The following FMN2 variants were observed in gnomAD, a reference collection of about 807,000 sequenced individuals.
FMN2 encodes the protein formin 2.
A neutral mutation model predicts 142.3 loss-of-function variants in FMN2; 51 were observed. The observed-to-expected ratio is 0.36, with a 90% CI of 0.29 to 0.45. The LOEUF is 0.45. FMN2 is among the 20% of genes least tolerant of loss of function. The pLI is 1.00. For missense variants in FMN2, 1,936 were observed against 2,122.8 expected (o/e 0.91, Z 1.73); for synonymous variants, 882 against 869.8 (o/e 1.01, Z -0.25).
chr1:240,263,998 C>T (rs1374496341), intron 7 of FMN2, among the ~76,000 whole-genome samples: 1 of 152,072 alleles, frequency 6.6e-6, no homozygotes, highest in Non-Finnish European at 1.5e-5. Flanking sequence ...TGTAAACTAC[C>T]TAGCATTCCA....
intron 2 of FMN2, among the ~76,000 whole-genome samples, chr1:240,145,860 G>A (rs1045201949): frequency 6.6e-6 from 1 of 151,992 alleles, no homozygotes; most frequent in Non-Finnish European, 1.5e-5. Context: ...GCCAGGCCAA[G>A]GGTCGAGGCA....
chr1:240,207,495 G>T lies in FMN2; in HGVS notation c.2683G>T (p.Ala895Ser). 1 of 1,612,482 alleles carries T rather than the reference G, an allele frequency of 6.2e-7. No homozygotes were observed. Among genetic ancestry groups the T allele is most frequent in the Non-Finnish European group, 8.5e-7 (1 of 1,179,580 alleles). The part of the protein sequence containing the change: ...GMTVPTLPST[A>S]IPQPPPLQGT... Reference sequence around the variant, plus strand: ...GACAGTGCCTACTCTGCCCAGTACAGCCATTCCCCAACCTCCTCCTCTGCA... The same window carrying T: ...GACAGTGCCTACTCTGCCCAGTACATCCATTCCCCAACCTCCTCCTCTGCA... Residue 895 changes from alanine to serine, a missense_variant, in exon 5 of 18, where the codon GCC (alanine) becomes TCC (serine). By Grantham distance (99) the Ala-to-Ser change is moderately conservative (BLOSUM62 1). Coordinates refer to ENST00000319653, the MANE Select transcript of FMN2 (RefSeq NM_020066.5).
At chr1:240,438,648 GA>G (rs1675492099) in intron 16 of FMN2, among the ~76,000 whole-genome samples, 1 of 152,174 alleles carries the variant, frequency 6.6e-6, no homozygotes, top group Non-Finnish European at 1.5e-5. Context: ...ATATCACCAA[GA>G]AACACAGATG....
chr1:240,216,988 G>A (rs1256598098), intron 6 of FMN2, among the ~76,000 whole-genome samples: 3 of 152,098 alleles, frequency 2.0e-5, no homozygotes, highest in Non-Finnish European at 4.4e-5. Context: ...ATAACGACAG[G>A]AAAAGAAGTA....
In FMN2 at chr1:240,438,101, C is replaced by G; in HGVS notation, c.4951C>G (p.Leu1651Val). Residue 1651 changes from leucine (L) to valine (V), a missense_variant, in exon 16 of 18, where the codon CTT becomes GTT. This residue lies in a region of FMN2 where 322 missense variants were observed against 401.6 expected (regional missense o/e 0.80). Coordinates refer to ENST00000319653, the MANE Select transcript of FMN2 (RefSeq NM_020066.5). ...TTAYFFMKPK[L>V]GEKEVSPNAF... is the part of the protein sequence containing the mutation. ...GGCATATTTCTTCATGAAACCAAAA[C>G]TTGGAGAGAAGGAGGTGTCCCCAAA... 6.2e-7 allele frequency: 1 copy of G among 1,614,004 alleles called. No homozygotes were observed. Among genetic ancestry groups the G allele is most frequent in the Non-Finnish European group, 8.5e-7 (1 of 1,179,960 alleles).
Position 240,148,447 on chromosome 1 carries a change from AGAGAGAAAGAGAGAGAGACAGG to A in FMN2, c.1782+25113_1782+25134del, listed in dbSNP as rs1476052404. On this transcript the variant is annotated intron_variant, in intron 2 of 17. Coordinates refer to ENST00000319653, the MANE Select transcript of FMN2 (RefSeq NM_020066.5). ...AAGATACAGAAAGAGAGAGACAGAG[AGAGAGAAAGAGAGAGAGACAGG>A]GAGAGAAAGAAAAAGAGAGAGAGAA... is the stretch of plus-strand genomic sequence containing the variant. 2.6e-5 allele frequency among the ~76,000 whole-genome samples: 3 copies of A among 114,020 alleles called. No individual in the cohort carries two copies. In the East Asian group the frequency reaches 7.4e-4, roughly 28 times the overall value. The allele number at this position is 114,020 out of a possible 152,430, so 74.8% of individuals were successfully genotyped here.
intron 1 of FMN2, among the ~76,000 whole-genome samples, chr1:240,109,574 C>G (rs1661731633): frequency 6.6e-6 from 1 of 152,030 alleles, no homozygotes; most frequent in African/African-American, 2.4e-5. Flanking sequence ...CAGGAAGATC[C>G]TCTCAGTCTT....
chr1:240,249,520 G>T (rs746483025), intron 6 of FMN2, among the ~76,000 whole-genome samples: 3 of 151,974 alleles, frequency 2.0e-5, no homozygotes, highest in Non-Finnish European at 4.4e-5. Flanking sequence ...ATATTTTGAG[G>T]TCAGGCAGTG....
intron 14 of FMN2, among the ~76,000 whole-genome samples, chr1:240,372,440 G>C (rs924793774): frequency 4.0e-5 from 6 of 151,848 alleles, no homozygotes; most frequent in Non-Finnish European, 8.8e-5. Context: ...TTGAGTAGTA[G>C]CAAGTATTTT....
intron 6 of FMN2, among the ~76,000 whole-genome samples, chr1:240,255,600 G>A (rs2102893392): frequency 6.6e-6 from 1 of 152,300 alleles, no homozygotes; most frequent in Admixed American, 6.5e-5. Context: ...AGAGTATGCA[G>A]GTGAAGGGGA....
At chr1:240,276,753 A>G (rs1669226600) in intron 7 of FMN2, among the ~76,000 whole-genome samples, 1 of 152,130 alleles carries the variant, frequency 6.6e-6, no homozygotes, top group South Asian at 2.1e-4. Flanking sequence ...AAGATTATAT[A>G]CTGCTTGAAT....
intron 13 of FMN2, among the ~76,000 whole-genome samples, chr1:240,338,985 T>TG (rs1468740597): frequency 4.6e-5 from 7 of 152,164 alleles, no homozygotes; most frequent in Non-Finnish European, 1.0e-4. Context: ...ATCCTGCACA[T>TG]GCGCAGTTCA....
chr1:240,289,565 G>A (rs955492628), intron 7 of FMN2, among the ~76,000 whole-genome samples: 2 of 151,878 alleles, frequency 1.3e-5, no homozygotes, highest in Non-Finnish European at 2.9e-5. Flanking sequence ...TGTTGTCCCC[G>A]CCACATGGAG....
chr1:240,226,540 C>A (rs1667306484), intron 6 of FMN2, among the ~76,000 whole-genome samples: 1 of 152,046 alleles, frequency 6.6e-6, no homozygotes, highest in South Asian at 2.1e-4. Context: ...AAAGAAAGTT[C>A]AAGTTGAACG....
chr1:240,451,435 C>G (rs1164635263), intron 16 of FMN2, among the ~76,000 whole-genome samples: 2 of 151,892 alleles, frequency 1.3e-5, no homozygotes, highest in Non-Finnish European at 2.9e-5. Flanking sequence ...TTGCTGTGAG[C>G]AGAATAGAAC....
At chr1:240,453,336 A>G (rs144790319) in intron 16 of FMN2, among the ~76,000 whole-genome samples, 3 of 152,308 alleles carry the variant, frequency 2.0e-5, no homozygotes, top group Admixed American at 2.0e-4. Context: ...GAATCGAAGC[A>G]TTACCAATGA....
At chr1:240,154,995 C>T (rs760094883) in intron 2 of FMN2, among the ~76,000 whole-genome samples, 3 of 151,134 alleles carry the variant, frequency 2.0e-5, no homozygotes, top group African/African-American at 7.3e-5. Flanking sequence ...TAAGCAATCC[C>T]CCCCCCGACC....
intron 1 of FMN2, among the ~76,000 whole-genome samples, chr1:240,101,041 G>T (rs918840440): frequency 2.0e-5 from 3 of 152,192 alleles, no homozygotes; most frequent in Non-Finnish European, 2.9e-5. Context: ...GGAGGGGAAA[G>T]AATGTGTTTC....
chr1:240,176,533 ATCCCTTGCCTGAG>A (rs1664920677), intron 2 of FMN2, among the ~76,000 whole-genome samples: 1 of 152,208 alleles, frequency 6.6e-6, no homozygotes, highest in East Asian at 1.9e-4. Flanking sequence ...CCTTGACATC[ATCCCTTGCCTGAG>A]TTTTATCCTT....
Sources: gnomAD v4.1 joint callset for allele counts (sites outside exome capture counted in the v4.1 genomes callset) on GRCh38, gnomAD v4.1.1 for gene constraint, gnomAD v4.1.1 regional missense constraint, MANE v1.5 for transcripts, NCBI Gene and HGNC (gene_info 2026-07-23, HGNC 2026-07-21) for gene names.